CLPTM1: variants seen among roughly 807,000 people sequenced by gnomAD.
CLPTM1 encodes putative lipid scramblase CLPTM1.
In CLPTM1, 21 loss-of-function variants were observed where a neutral mutation model predicts 77.3. The ratio of observed to expected loss-of-function variants is 0.27; its 90% CI spans 0.19 to 0.39. CLPTM1 has a LOEUF of 0.39. Ranked by LOEUF, CLPTM1 falls within the 10% of genes least tolerant of loss-of-function variation. CLPTM1 has a pLI of 1.00. For missense variants in CLPTM1, 642 were observed against 921.2 expected (o/e 0.70, Z 3.92); for synonymous variants, 373 against 381.0 (o/e 0.98, Z 0.24).
chr19:44,987,892 C>A, intron 8 of CLPTM1, 188 bp from the exon 9 acceptor site: 1 of 617,282 alleles, frequency 1.6e-6, no homozygotes. Context: ...TGCCATCTCC[C>A]CGTCTCTTCT....
intron 8 of CLPTM1, 154 bp downstream of exon 8, chr19:44,987,577 G>T (rs776436989): frequency 2.6e-5 from 27 of 1,045,124 alleles, no homozygotes; most frequent in Non-Finnish European, 3.4e-5. Context: ...CACAGTGAAA[G>T]GAAGTGGGCA....
chr19:44,973,654 A>T (rs1364001339), intron 3 of CLPTM1, among the ~76,000 whole-genome samples: 1 of 151,994 alleles, frequency 6.6e-6, no homozygotes, highest in Non-Finnish European at 1.5e-5. Flanking sequence ...GCAGGGCTTC[A>T]GGAGCCTCCA....
At chr19:44,967,231 A>G (rs1170494258) in intron 2 of CLPTM1, among the ~76,000 whole-genome samples, 1 of 152,150 alleles carries the variant, frequency 6.6e-6, no homozygotes, top group South Asian at 2.1e-4. Flanking sequence ...AAGAGGGAGG[A>G]TCGCTTGAGC....
At position 44,990,668 on chromosome 19, in the gene CLPTM1, C is replaced by G; in HGVS notation, c.1323+83C>G. ...GGCCCAGCTGGACCCTGGAGCTGGC[C>G]CCCGGGGGATTCCCAGCAAGTGCCT... On this transcript the variant is annotated intron_variant, in intron 10 of 13. Coordinates refer to ENST00000337392, the MANE Select transcript of CLPTM1 (RefSeq NM_001294.4). The surrounding 1 kb of genome is among the most constrained non-coding windows in gnomAD (Gnocchi z 4.8). 6.7e-7 allele frequency: 1 copy of G among 1,499,144 alleles called. No individual in the cohort carries two copies. Among genetic ancestry groups the G allele is most frequent in the Non-Finnish European group, 9.2e-7 (1 of 1,090,742 alleles). The allele number at this position is 1,499,144 out of a possible 1,614,324, so 92.9% of individuals were successfully genotyped here.
intron 1 of CLPTM1, among the ~76,000 whole-genome samples, chr19:44,959,261 T>G (rs1041502884): frequency 1.3e-5 from 2 of 152,134 alleles, no homozygotes; most frequent in Non-Finnish European, 2.9e-5. Context: ...GGTCTCCCTG[T>G]GTTGCTCAGG....
chr19:44,977,778 G>A (rs534339140), intron 5 of CLPTM1, among the ~76,000 whole-genome samples: 1 of 152,280 alleles, frequency 6.6e-6, no homozygotes, highest in South Asian at 2.1e-4. Context: ...AAGGGCCAGG[G>A]TTGACTTTTG....
rs1971048939 is a variant in CLPTM1, at chr19:44,990,313, A to T, written c.1133-82A>T. ...GCCCCACCCCAGGGTGTGAGGATGC[A>T]GGCCAAGGGGGCCTGAGGGAGCTGC... On this transcript the variant is annotated intron_variant, in intron 9 of 13. Transcript: ENST00000337392. The surrounding 1 kb of genome is among the most constrained non-coding windows in gnomAD (Gnocchi z 4.8). The T allele has an allele frequency of 2.1e-6, 3 of 1,449,962 alleles. No individual in the cohort carries two copies. The highest frequency in any genetic ancestry group is 2.8e-6 in the Non-Finnish European group (3 of 1,056,274). The allele number at this position is 1,449,962 out of a possible 1,614,324, so 89.8% of individuals were successfully genotyped here.
chr19:44,956,829 C>T (rs1970471467), intron 1 of CLPTM1, among the ~76,000 whole-genome samples: 1 of 152,196 alleles, frequency 6.6e-6, no homozygotes, highest in Non-Finnish European at 1.5e-5. Flanking sequence ...ACCCCTTTGC[C>T]TTTAGGACAA....
Position 44,992,148 on chromosome 19 carries a change from T to A in CLPTM1, c.1556-85T>A. On this transcript the variant is annotated intron_variant, in intron 12 of 13. Transcript: ENST00000337392. This position sits in a 1 kb window ranked among gnomAD's most constrained non-coding sequence, Gnocchi z 7.7. ...GAGTGTGCCCAGGTGTAGGAAGTGG[T>A]GAGGGGGCTGGTATGGCCAGTGCAG... 7.0e-7 allele frequency: 1 copy of A among 1,430,918 alleles called. No homozygotes were observed. The highest frequency in any genetic ancestry group is 1.2e-5 in the South Asian group (1 of 81,296). The allele number at this position is 1,430,918 out of a possible 1,614,324, so 88.6% of individuals were successfully genotyped here.
At chr19:44,972,775 C>T (rs922563373) in intron 2 of CLPTM1, among the ~76,000 whole-genome samples, 2 of 152,070 alleles carry the variant, frequency 1.3e-5, no homozygotes, top group African/African-American at 4.8e-5. Flanking sequence ...AGTCAAGAGT[C>T]AGCCCCTGCA....
At position 44,962,536 on chromosome 19, in the gene CLPTM1, T is replaced by C. The variant is rs545323944; in HGVS notation, c.185+461T>C. 4.4e-3 allele frequency among the ~76,000 whole-genome samples: 663 copies of C among 152,238 alleles called. 6 individuals carry two copies. The highest frequency in any genetic ancestry group is 0.015 in the African/African-American group (629 of 41,524). On this transcript the variant is annotated intron_variant, in intron 2 of 13. Coordinates refer to ENST00000337392, the MANE Select transcript of CLPTM1 (RefSeq NM_001294.4). ...TCTCCCTGTGTCTTCATGTGGTCTT[T>C]CCTCTGTGTGTGTCTGTGTCCTAAG...
Position 44,988,180 on chromosome 19 carries a change from A to G in CLPTM1, c.1132+7A>G. 2 of 1,600,972 alleles carry G rather than the reference A, an allele frequency of 1.2e-6. No individual in the cohort carries two copies. Among genetic ancestry groups the G allele is most frequent in the Non-Finnish European group, 1.7e-6 (2 of 1,168,030 alleles). On this transcript the variant is annotated splice_region_variant and intron_variant, in intron 9 of 13. Coordinates refer to ENST00000337392, the MANE Select transcript of CLPTM1 (RefSeq NM_001294.4). ...TTCCTGGCCTTCAAGAATGGTAGGA[A>G]CAGGACCCCAGGGCTAGTGAGAGGC...
In CLPTM1 at chr19:44,987,363, C is replaced by G. The variant is rs763142444; in HGVS notation, c.978C>G (p.Pro326=). ...ATGCTGCCCAGAGCACCAAGTCGCCCTGGAACTTCCTGGGTGATGAGTTGT... is the reference window on the plus strand; with the variant it reads ...ATGCTGCCCAGAGCACCAAGTCGCCGTGGAACTTCCTGGGTGATGAGTTGT... ...QLYAAQSTKS[P]WNFLGDELYE... Residue 326 remains proline, a synonymous_variant, in exon 8 of 14, where the codon CCC becomes CCG. Transcript: ENST00000337392. 1.5e-5 allele frequency: 25 copies of G among 1,614,122 alleles called. No individual in the cohort carries two copies. Among genetic ancestry groups the G allele is most frequent in the Non-Finnish European group, 1.9e-5 (22 of 1,180,050 alleles).
intron 2 of CLPTM1, 125 bp downstream of exon 2, chr19:44,962,200 TTTTTTTTTTGTATGA>T (rs931038893): frequency 2.4e-6 from 1 of 416,390 alleles, no homozygotes; most frequent in Admixed American, 4.6e-5. Flanking sequence ...CTTTTTTTCT[TTTTTTTTTTGTATGA>T]TGGAATGTTT....
chr19:44,990,340 G>A lies in CLPTM1; in HGVS notation c.1133-55G>A. 1 of 1,576,750 alleles carries A rather than the reference G, an allele frequency of 6.3e-7. No individual in the cohort carries two copies. Among genetic ancestry groups the A allele is most frequent in the Non-Finnish European group, 8.7e-7 (1 of 1,153,560 alleles). The stretch of plus-strand genomic sequence containing the variant: ...GCCAAGGGGGCCTGAGGGAGCTGCA[G>A]TAGGGTCTCAGCACCTCCTCAGCCT... On this transcript the variant is annotated intron_variant, in intron 9 of 13. Coordinates refer to ENST00000337392, the MANE Select transcript of CLPTM1 (RefSeq NM_001294.4). The surrounding 1 kb of genome is among the most constrained non-coding windows in gnomAD (Gnocchi z 4.8).
At chr19:44,977,231 G>A (rs1970818871) in intron 4 of CLPTM1, 112 bp from the exon 5 acceptor site, 2 of 792,396 alleles carry the variant, frequency 2.5e-6, no homozygotes, top group South Asian at 1.5e-5. Flanking sequence ...CTCAGTAAAT[G>A]GCCAGAGAGT....
intron 2 of CLPTM1, among the ~76,000 whole-genome samples, chr19:44,968,735 G>A (rs1459551321): frequency 6.6e-6 from 1 of 152,184 alleles, no homozygotes; most frequent in Non-Finnish European, 1.5e-5. Flanking sequence ...GACCCCCACA[G>A]CCACACACTA....
In CLPTM1 at chr19:44,990,867, G is replaced by C. The variant is rs201593010; in HGVS notation, c.1341G>C (p.Arg447Ser). ...VMDVRLDREHRVAGIFPRLSF... is the reference protein window; with the variant it reads ...VMDVRLDREHSVAGIFPRLSF... Reference sequence around the variant, plus strand: ...ATCCACAGCTGGACCGAGAGCACAGGGTGGCAGGAATCTTCCCCCGCCTAT... The same window carrying C: ...ATCCACAGCTGGACCGAGAGCACAGCGTGGCAGGAATCTTCCCCCGCCTAT... The change falls in exon 11 of 14, where the codon AGG becomes AGC. Residue 447 changes from arginine to serine, a missense_variant. Physicochemically the swap from Arg to Ser is moderately radical, Grantham distance 110. Around this residue, in one of 2 missense-constraint regions of CLPTM1, gnomAD observed 521 missense variants for 800.4 expected, o/e 0.65. Transcript: ENST00000337392. The surrounding 1 kb of genome is among the most constrained non-coding windows in gnomAD (Gnocchi z 4.8). The C allele has an allele frequency of 7.4e-6, 12 of 1,613,868 alleles. No homozygotes were observed. The African/African-American group carries it at 1.3e-4, about 18-fold the overall frequency.
intron 5 of CLPTM1, among the ~76,000 whole-genome samples, chr19:44,983,979 C>T (rs1010681894): frequency 1.1e-4 from 16 of 152,144 alleles, no homozygotes; most frequent in African/African-American, 3.4e-4. Flanking sequence ...AAAACAGAAA[C>T]GTCCCCAGGC....
Sources: gnomAD v4.1 joint callset for allele counts (sites outside exome capture counted in the v4.1 genomes callset) on GRCh38, gnomAD v4.1.1 for gene constraint, gnomAD v4.1.1 regional missense constraint, Gnocchi (gnomAD v3.1) non-coding constraint, MANE v1.5 for transcripts, NCBI Gene and HGNC (gene_info 2026-07-23, HGNC 2026-07-21) for gene names.